Variants in CERS3 observed in about 807,000 individuals in gnomAD.
CERS3 encodes ceramide synthase 3, also known as LAG1 homolog, ceramide synthase 3.
In CERS3, 33 loss-of-function variants were observed where a neutral mutation model predicts 50.3. The ratio of observed to expected loss-of-function variants is 0.66; its 90% CI spans 0.50 to 0.88. The LOEUF is 0.88. Ranked by LOEUF, CERS3 falls within the 40% of genes least tolerant of loss-of-function variation. CERS3 has a pLI of 0.00. For missense variants in CERS3, 470 were observed against 460.3 expected (o/e 1.02, Z -0.19); for synonymous variants, 176 against 155.2 (o/e 1.13, Z -0.99).
At chr15:100,509,116 T>C (rs1356698455) in intron 2 of CERS3, among the ~76,000 whole-genome samples, 2 of 152,276 alleles carry the variant, frequency 1.3e-5, no homozygotes, top group East Asian at 1.9e-4. Flanking sequence ...AAGAAGACAA[T>C]GTAGCTAATG....
At chr15:100,434,159 G>A (rs552947182) in intron 11 of CERS3, among the ~76,000 whole-genome samples, 1 of 152,244 alleles carries the variant, frequency 6.6e-6, no homozygotes, top group East Asian at 1.9e-4. Flanking sequence ...CGTCCTAGAA[G>A]TATGTCAGTT....
upstream of CERS3, among the ~76,000 whole-genome samples, chr15:100,531,869 A>G (rs181203320): frequency 1.3e-5 from 2 of 152,338 alleles, no homozygotes; most frequent in African/African-American, 4.8e-5. Context: ...TAAAAAGTGA[A>G]CGTCGGACCT....
At position 100,402,748 on chromosome 15, in the gene CERS3, T is replaced by C; in HGVS notation, c.1117A>G (p.Arg373Gly). ...DCLKNGLRAE[R>G]HLIPNGQHGH ...TGCTGGCCATTGGGAATGAGGTGCC[T>C]CTCAGCCCTGAGGCCGTTCTTTAAA... Residue 373 changes from arginine to glycine, a missense_variant, in exon 12 of 12, where the codon AGG becomes GGG. Coordinates refer to ENST00000679737, the MANE Select transcript of CERS3 (RefSeq NM_001378789.1). The C allele has an allele frequency of 6.2e-7, 1 of 1,614,164 alleles. No individual in the cohort carries two copies. Among genetic ancestry groups the C allele is most frequent in the Non-Finnish European group, 8.5e-7 (1 of 1,180,028 alleles).
intron 11 of CERS3, among the ~76,000 whole-genome samples, chr15:100,417,123 G>T (rs531240933): frequency 2.6e-4 from 40 of 152,262 alleles, no homozygotes; most frequent in African/African-American, 9.6e-4. Context: ...AGCTCCCAGC[G>T]TGAGCGACGC....
chr15:100,436,457 C>A (rs985579625), intron 11 of CERS3, among the ~76,000 whole-genome samples: 3 of 152,096 alleles, frequency 2.0e-5, no homozygotes, highest in Non-Finnish European at 4.4e-5. Flanking sequence ...GAACATCACA[C>A]ACCGAGGCCT....
chr15:100,416,856 A>G (rs943571298), intron 11 of CERS3, among the ~76,000 whole-genome samples: 5 of 152,210 alleles, frequency 3.3e-5, no homozygotes, highest in South Asian at 2.1e-4. Flanking sequence ...CAAAATCTAT[A>G]AGGATTCTAC....
chr15:100,542,874 C>A (rs1037811814), intron 1 of CERS3, among the ~76,000 whole-genome samples: 1 of 152,044 alleles, frequency 6.6e-6, no homozygotes, highest in African/African-American at 2.4e-5. Flanking sequence ...TCTATGCTAT[C>A]TGTTTGTGAT....
intron 3 of CERS3, chr15:100,500,465 A>C (rs1404826377): frequency 6.6e-6 from 1 of 152,206 alleles, no homozygotes; most frequent in Non-Finnish European, 1.5e-5. Flanking sequence ...GTCCTGGCCA[A>C]ACTGTGAAAA....
At chr15:100,417,363 G>A (rs1210261873) in intron 11 of CERS3, among the ~76,000 whole-genome samples, 2 of 152,096 alleles carry the variant, frequency 1.3e-5, no homozygotes, top group African/African-American at 2.4e-5. Flanking sequence ...CTAATACTGC[G>A]CTTTTCCGAC....
intron 4 of CERS3, among the ~76,000 whole-genome samples, chr15:100,486,014 C>T (rs2035472106): frequency 6.6e-6 from 1 of 152,186 alleles, no homozygotes; most frequent in African/African-American, 2.4e-5. Flanking sequence ...CAGAGAAGCA[C>T]ACATCATGTC....
At chr15:100,431,740 A>T (rs2033145926) in intron 11 of CERS3, among the ~76,000 whole-genome samples, 1 of 152,162 alleles carries the variant, frequency 6.6e-6, no homozygotes, top group African/African-American at 2.4e-5. Context: ...GACTGTCAAA[A>T]ATTCCAGTGT....
At chr15:100,506,454 A>C (rs2036181693) in intron 2 of CERS3, among the ~76,000 whole-genome samples, 1 of 115,426 alleles carries the variant, frequency 8.7e-6, no homozygotes, top group East Asian at 3.1e-4. Flanking sequence ...GGTGTGAAGA[A>C]ATCGGGACCC....
chr15:100,441,498 C>G (rs1454220993), intron 11 of CERS3, among the ~76,000 whole-genome samples: 2 of 151,894 alleles, frequency 1.3e-5, no homozygotes, highest in Non-Finnish European at 2.9e-5. Flanking sequence ...GTGTCTCTAC[C>G]CTTCTCTTTA....
chr15:100,420,416 G>A (rs1021171681), intron 11 of CERS3, among the ~76,000 whole-genome samples: 8 of 152,144 alleles, frequency 5.3e-5, no homozygotes, highest in Non-Finnish European at 7.3e-5. Context: ...CCAATAACAG[G>A]ATCTGAAATT....
intron 3 of CERS3, among the ~76,000 whole-genome samples, chr15:100,497,002 A>G (rs1012862822): frequency 1.3e-5 from 2 of 152,318 alleles, no homozygotes; most frequent in South Asian, 4.1e-4. Context: ...AGATGTACAC[A>G]GAGCAATGTG....
chr15:100,454,915 G>C (rs958583097), intron 11 of CERS3, among the ~76,000 whole-genome samples: 51 of 152,038 alleles, frequency 3.4e-4, no homozygotes, highest in African/African-American at 1.2e-3. Flanking sequence ...CCATTAAAAA[G>C]GGGCAAAGGA....
At position 100,488,077 on chromosome 15, in the gene CERS3, A is replaced by T. The variant is rs540781717; in HGVS notation, c.288+2740T>A. On this transcript the variant is annotated intron_variant, in intron 4 of 11. Coordinates refer to ENST00000679737, the MANE Select transcript of CERS3 (RefSeq NM_001378789.1). ...TGGAAGTTGTTCTTGATACGCACAC[A>T]TACACACGTTATCAGACACACACCT... Among the ~76,000 whole-genome samples, 4 of 152,344 alleles carry T rather than the reference A, an allele frequency of 2.6e-5. No individual in the cohort carries two copies. The East Asian group carries it at 7.7e-4, about 29-fold the overall frequency.
At chr15:100,483,873 C>T (rs865853321) in intron 5 of CERS3, among the ~76,000 whole-genome samples, 5 of 146,086 alleles carry the variant, frequency 3.4e-5, no homozygotes, top group African/African-American at 1.0e-4. Context: ...CTCCGCCTCC[C>T]AGGTTCACGC....
At chr15:100,520,451 GC>G (rs1164416679) in intron 2 of CERS3, among the ~76,000 whole-genome samples, 1 of 152,168 alleles carries the variant, frequency 6.6e-6, no homozygotes, top group African/African-American at 2.4e-5. Flanking sequence ...GGGGCTGGTA[GC>G]ATGACCAAGA....
Sources: gnomAD v4.1 joint callset for allele counts (sites outside exome capture counted in the v4.1 genomes callset) on GRCh38, gnomAD v4.1.1 for gene constraint, MANE v1.5 for transcripts, NCBI Gene and HGNC (gene_info 2026-07-23, HGNC 2026-07-21) for gene names.